RALGDS: variants seen among roughly 807,000 people sequenced by gnomAD.
The protein encoded by RALGDS is ral guanine nucleotide exchange factor.
A neutral mutation model predicts 99.8 loss-of-function variants in RALGDS; 44 were observed. The ratio of observed to expected loss-of-function variants is 0.44; its 90% CI spans 0.35 to 0.57. The LOEUF (loss-of-function observed/expected upper bound fraction) is 0.57. Ranked by LOEUF, RALGDS falls within the 20% of genes least tolerant of loss-of-function variation. RALGDS has a pLI of 0.01. For missense variants in RALGDS, 1,022 were observed against 1,203.1 expected (o/e 0.85, Z 2.23); for synonymous variants, 529 against 505.0 (o/e 1.05, Z -0.64).
In RALGDS at chr9:133,144,958, A is replaced by G. The variant is rs548460533; in HGVS notation, c.18+4005T>C. 6.6e-6 allele frequency among the ~76,000 whole-genome samples: 1 copy of G among 152,388 alleles called. No homozygotes were observed. The highest frequency in any genetic ancestry group is 2.4e-5 in the African/African-American group (1 of 41,600). On this transcript the variant is annotated intron_variant, in intron 1 of 17. Transcript: ENST00000393160. The surrounding 1 kb of genome is among the most constrained non-coding windows in gnomAD (Gnocchi z 4.5). Reference sequence around the variant, plus strand: ...CAGGGAAAATTGGACAGACACGCACAGGCGGACAGACACGAACTGATGAAG... The same window carrying G: ...CAGGGAAAATTGGACAGACACGCACGGGCGGACAGACACGAACTGATGAAG...
At chr9:133,135,366 G>A (rs1216337189), upstream of RALGDS, among the ~76,000 whole-genome samples, 1 of 152,222 alleles carries the variant, frequency 6.6e-6, no homozygotes, top group Admixed American at 6.5e-5. Context: ...ACCCACCGCA[G>A]GGCTCCCCTG....
chr9:133,130,892 C>T, intron 1 of RALGDS: 1 of 1,464,400 alleles, frequency 6.8e-7, no homozygotes, highest in Non-Finnish European at 9.2e-7. Context: ...GAGCCCCAAC[C>T]CCAAAGCCCA....
upstream of RALGDS, among the ~76,000 whole-genome samples, chr9:133,134,791 G>A (rs146245839): frequency 8.5e-5 from 13 of 152,234 alleles, no homozygotes; most frequent in African/African-American, 2.9e-4. Context: ...TTTCTACTAC[G>A]CACTGCCATG....
Position 133,104,156 on chromosome 9 carries a change from A to C in RALGDS, c.1671+107T>G, listed in dbSNP as rs1830901520. 1.3e-5 allele frequency: 15 copies of C among 1,178,158 alleles called. No homozygotes were observed. The East Asian group carries it at 3.6e-4, about 28-fold the overall frequency. 73.0% of individuals were successfully genotyped at this position (1,178,158 alleles called of 1,614,324 possible). A position where few individuals can be genotyped will look rare whatever the true frequency, so the allele number is the denominator to read the frequency against. Reference sequence around the variant, plus strand: ...GTGTGGCTCTGCTAGGGTCCAGAGGAGGCTACCTCTAATGGGGCCCATAGG... The same window carrying C: ...GTGTGGCTCTGCTAGGGTCCAGAGGCGGCTACCTCTAATGGGGCCCATAGG... On this transcript the variant is annotated intron_variant, in intron 10 of 17. Transcript: ENST00000372050.
At chr9:133,134,563 C>T (rs1002892743), upstream of RALGDS, among the ~76,000 whole-genome samples, 1 of 152,194 alleles carries the variant, frequency 6.6e-6, no homozygotes, top group African/African-American at 2.4e-5. Flanking sequence ...AGTCCGGCCC[C>T]CAAGGCTGCT....
chr9:133,131,031 G>T, exon 1 of RALGDS: 1 of 1,534,098 alleles, frequency 6.5e-7, no homozygotes, highest in Non-Finnish European at 8.7e-7. Context: ...GAACAGCAGA[G>T]GCGGGGAGGA....
At chr9:133,129,098 G>T in intron 1 of RALGDS, 1 of 1,097,526 alleles carries the variant, frequency 9.1e-7, no homozygotes, top group Non-Finnish European at 1.3e-6. Context: ...GACCCACCCA[G>T]CCCCTCCCCG....
chr9:133,100,849 C>T lies in RALGDS; in HGVS notation c.2455-467G>A, dbSNP rs59571793. 2,138 of 1,067,184 alleles carry T rather than the reference C, an allele frequency of 2.0e-3. 28 individuals carry two copies. The African/African-American group carries it at 0.026, about 13-fold the overall frequency. The allele number at this position is 1,067,184 out of a possible 1,614,324, so 66.1% of individuals were successfully genotyped here. ...GGCCAGAGCACAGGCGGAACTCGGA[C>T]ATAGGGCCACAGGTGACTGCTTAAT... On this transcript the variant is annotated intron_variant, in intron 16 of 17. Transcript: ENST00000372050.
Position 133,121,009 on chromosome 9 carries a change from C to T in RALGDS, c.146G>A (p.Ser49Asn). 3 of 1,496,342 alleles carry T rather than the reference C, an allele frequency of 2.0e-6. No individual in the cohort carries two copies. The highest frequency in any genetic ancestry group is 2.7e-6 in the Non-Finnish European group (3 of 1,129,534). 92.7% of individuals were successfully genotyped at this position (1,496,342 alleles called of 1,614,324 possible). The stretch of plus-strand genomic sequence containing the variant: ...CAGGTCGGGGTCTAGCTGCGTGAAG[C>T]TGTGCAGCACCACCGGGCAGCTGTC... ...VPDSCPVVLH[S>N]FTQLDPDLPR... The change falls in exon 1 of 18, where the codon AGC becomes AAC. Residue 49 changes from serine to asparagine, a missense_variant. By Grantham distance (46) the Ser-to-Asn change is conservative (BLOSUM62 1). This residue lies in a region of RALGDS where 180 missense variants were observed against 169.3 expected (regional missense o/e 1.06). Transcript: ENST00000372050.
chr9:133,127,092 G>A (rs561117001), intron 1 of RALGDS, among the ~76,000 whole-genome samples: 120 of 152,322 alleles, frequency 7.9e-4, no homozygotes, highest in Middle Eastern at 3.4e-3. Context: ...TGGCTGGTGC[G>A]TCCCTCCTTC....
chr9:133,128,796 GCAGA>G (rs1344225636), intron 1 of RALGDS, among the ~76,000 whole-genome samples: 1 of 152,216 alleles, frequency 6.6e-6, no homozygotes, highest in East Asian at 1.9e-4. Context: ...TCTCAGGGGA[GCAGA>G]CAGTGAAGCA....
intron 1 of RALGDS, among the ~76,000 whole-genome samples, chr9:133,128,477 C>G (rs568881341): frequency 6.6e-6 from 1 of 152,170 alleles, no homozygotes; most frequent in African/African-American, 2.4e-5. Flanking sequence ...CATCACACCC[C>G]GAGGGGCCCC....
Position 133,101,574 on chromosome 9 carries a change from A to G in RALGDS, c.2400T>C (p.Cys800=), listed in dbSNP as rs755571866. The stretch of plus-strand genomic sequence containing the variant: ...CCACGTCCAGGCTGACGCGGATGAT[A>G]CAGCAGTCGCCCACCTGCTGGTTGT... The part of the protein sequence containing the change: ...PLYNQQVGDC[C]IIRVSLDVDN... The change falls in exon 16 of 18, where the codon TGT becomes TGC. Residue 800 remains cysteine, a synonymous_variant. Coordinates refer to ENST00000372050, the MANE Select transcript of RALGDS (RefSeq NM_006266.4). 2.1e-5 allele frequency: 34 copies of G among 1,612,504 alleles called. No homozygotes were observed. Among genetic ancestry groups the G allele is most frequent in the Non-Finnish European group, 2.8e-5 (33 of 1,180,036 alleles).
intron 2 of RALGDS, among the ~76,000 whole-genome samples, chr9:133,111,114 G>T (rs1831316718): frequency 6.6e-6 from 1 of 152,216 alleles, no homozygotes; most frequent in African/African-American, 2.4e-5. Flanking sequence ...GTGCGGGAAT[G>T]ATTTAAATAC....
At chr9:133,112,391 A>G (rs1831391543) in intron 1 of RALGDS, among the ~76,000 whole-genome samples, 1 of 152,010 alleles carries the variant, frequency 6.6e-6, no homozygotes, top group African/African-American at 2.4e-5. Context: ...CCAGGCTTCC[A>G]ATCCCCTAGT....
At chr9:133,101,786 A>G (rs1171806946) in intron 15 of RALGDS, 24 bp from the exon 16 acceptor site, 26 of 1,582,350 alleles carry the variant, frequency 1.6e-5, no homozygotes, top group African/African-American at 2.7e-5. Flanking sequence ...TAAGATCAGC[A>G]GATCCCACTG....
At chr9:133,102,185 T>TC (rs1489790942) in intron 14 of RALGDS, 46 bp from the exon 15 acceptor site, 5 of 1,538,432 alleles carry the variant, frequency 3.3e-6, no homozygotes, top group Non-Finnish European at 4.4e-6. Flanking sequence ...CAAGGACACA[T>TC]CCCAACCCCA....
intron 9 of RALGDS, chr9:133,104,627 C>T: frequency 2.5e-6 from 1 of 405,910 alleles, no homozygotes; most frequent in South Asian, 2.5e-5. Flanking sequence ...GCCTGGCCAA[C>T]ACAGTGAAAC....
At chr9:133,103,140 A>G in intron 12 of RALGDS, 90 bp downstream of exon 12, 2 of 1,534,326 alleles carry the variant, frequency 1.3e-6, no homozygotes, top group Non-Finnish European at 1.8e-6. Context: ...TGTCCCATGA[A>G]TCTAAGGAGA....
Sources: allele counts gnomAD v4.1 joint callset (sites outside exome capture counted in the v4.1 genomes callset), GRCh38; gene constraint gnomAD v4.1.1; regional missense constraint gnomAD v4.1.1; non-coding constraint Gnocchi (gnomAD v3.1); transcripts MANE v1.5; gene names NCBI Gene and HGNC (gene_info 2026-07-23, HGNC 2026-07-21).